The following SCTR variants were observed in gnomAD, a reference collection of about 807,000 sequenced individuals.
SCTR encodes secretin receptor.
In SCTR, 56 loss-of-function variants were observed where a neutral mutation model predicts 60.8. The observed-to-expected ratio is 0.92, with a 90% CI of 0.74 to 1.15. The LOEUF (loss-of-function observed/expected upper bound fraction) is 1.15. Ranked by LOEUF, SCTR falls within the 50% of genes most tolerant of loss-of-function variation. The pLI is 0.00. For synonymous variants in SCTR, 202 were observed against 217.0 expected (o/e 0.93, Z 0.61); for missense variants, 562 against 550.4 (o/e 1.02, Z -0.21).
intron 2 of SCTR, among the ~76,000 whole-genome samples, chr2:119,494,136 CCCA>C (rs1573900419): frequency 6.6e-6 from 1 of 152,156 alleles, no homozygotes; most frequent in East Asian, 1.9e-4. Flanking sequence ...CAGAGAAATT[CCCA>C]CCAAGCTCTT....
chr2:119,460,563 A>C (rs1683563949), intron 7 of SCTR, among the ~76,000 whole-genome samples: 1 of 152,050 alleles, frequency 6.6e-6, no homozygotes, highest in Admixed American at 6.6e-5. Context: ...TTACCATGTG[A>C]GTTGGTATGT....
chr2:119,460,976 G>A (rs906675267), intron 7 of SCTR, among the ~76,000 whole-genome samples: 3 of 152,050 alleles, frequency 2.0e-5, no homozygotes, highest in Admixed American at 6.5e-5. Flanking sequence ...TCTTTCTCTC[G>A]TTGGAGTTCG....
Position 119,524,428 on chromosome 2 carries a change from G to C in SCTR, c.-202C>G, listed in dbSNP as rs1032717879. 51 of 380,242 alleles carry C rather than the reference G, an allele frequency of 1.3e-4. 1 individual carries two copies. The highest frequency in any genetic ancestry group is 6.9e-4 in the Middle Eastern group (1 of 1,456). 23.6% of individuals were successfully genotyped at this position (380,242 alleles called of 1,614,324 possible). ...GGTGGCCGCGCGCGCTAAGCCGCCCGCCCCATTGATCAGGACGCGGCTTTG... is the reference window on the plus strand; with the variant it reads ...GGTGGCCGCGCGCGCTAAGCCGCCCCCCCCATTGATCAGGACGCGGCTTTG... On this transcript the variant is annotated 5_prime_UTR_variant, in exon 1 of 13. Coordinates refer to ENST00000019103, the MANE Select transcript of SCTR (RefSeq NM_002980.3).
At chr2:119,444,418 C>CAT (rs1403543250) in intron 11 of SCTR, among the ~76,000 whole-genome samples, 1 of 10,260 alleles carries the variant, frequency 9.7e-5, no homozygotes. Context: ...TATATATACC[C>CAT]ATATACGTAT....
In SCTR at chr2:119,448,756, T is replaced by A; in HGVS notation, c.946A>T (p.Ile316Phe). ...AGTTTTCTCATCAGGATTCTTAGAA[T>A]GTTTATGAAAAGGATGAAATTAATC... ...ILINFILFINILRILMRKLRT... is the reference protein window; with the variant it reads ...ILINFILFINFLRILMRKLRT... The change falls in exon 10 of 13, where the codon ATT (isoleucine) becomes TTT (phenylalanine). Residue 316 changes from isoleucine (I) to phenylalanine (F), a missense_variant. By Grantham distance (21) the Ile-to-Phe change is conservative. Transcript: ENST00000019103. The A allele has an allele frequency of 6.3e-7, 1 of 1,598,742 alleles. No individual in the cohort carries two copies. Among genetic ancestry groups the A allele is most frequent in the Non-Finnish European group, 8.6e-7 (1 of 1,166,068 alleles).
At position 119,444,481 on chromosome 2, in the gene SCTR, A is replaced by G. The variant is rs900618268; in HGVS notation, c.1140+2278T>C. Among the ~76,000 whole-genome samples, 5 of 104,178 alleles carry G rather than the reference A, an allele frequency of 4.8e-5. 1 individual carries two copies. Among genetic ancestry groups the G allele is most frequent in the Non-Finnish European group, 7.3e-5 (4 of 54,650 alleles). The allele number at this position is 104,178 out of a possible 152,430, so 68.3% of individuals were successfully genotyped here. A position where few individuals can be genotyped will look rare whatever the true frequency, so the allele number is the denominator to read the frequency against. On this transcript the variant is annotated intron_variant, in intron 11 of 12. Transcript: ENST00000019103. ...TATATATACACATATATACGTACGT[A>G]TATATATACACATATATACGTACGT...
chr2:119,462,003 GGA>G lies in SCTR; in HGVS notation c.637-5_637-4del, dbSNP rs140685769. The G allele has an allele frequency of 3.4e-5, 54 of 1,595,906 alleles. No individual in the cohort carries two copies. Among genetic ancestry groups the G allele is most frequent in the South Asian group, 1.1e-4 (10 of 88,038 alleles). On this transcript the variant is annotated splice_polypyrimidine_tract_variant and splice_region_variant and intron_variant, in intron 6 of 12. Coordinates refer to ENST00000019103, the MANE Select transcript of SCTR (RefSeq NM_002980.3). ...ACCATGACCAGCTTGCAGCCCGCCT[GGA>G]GAGAGAGAGGCAGCTGAACCCAGGC...
At chr2:119,507,348 G>A (rs1180263940) in intron 1 of SCTR, among the ~76,000 whole-genome samples, 1 of 152,134 alleles carries the variant, frequency 6.6e-6, no homozygotes. Flanking sequence ...GAAAATGCAT[G>A]AAAATATTAT....
chr2:119,517,904 A>C (rs1365808395), intron 1 of SCTR, among the ~76,000 whole-genome samples: 2 of 152,166 alleles, frequency 1.3e-5, no homozygotes, highest in Non-Finnish European at 2.9e-5. Flanking sequence ...GGGTGGCTGT[A>C]TTTGGAGGTA....
intron 2 of SCTR, among the ~76,000 whole-genome samples, chr2:119,493,132 C>T (rs1413508768): frequency 2.0e-5 from 3 of 152,230 alleles, no homozygotes; most frequent in Non-Finnish European, 4.4e-5. Flanking sequence ...GCTGGGATTA[C>T]AGGCGTGAGC....
In SCTR at chr2:119,478,807, T is replaced by C. The variant is rs1425506682; in HGVS notation, c.301+4A>G. On this transcript the variant is annotated splice_donor_region_variant and intron_variant, in intron 3 of 12. Transcript: ENST00000019103. ...CCGCCAGGCCCCATGGGCCGAGTGG[T>C]TACCATTTCTGCTGGTGAGCATCCG... 1 of 1,613,960 alleles carries C rather than the reference T, an allele frequency of 6.2e-7. No homozygotes were observed. Among genetic ancestry groups the C allele is most frequent in the Non-Finnish European group, 8.5e-7 (1 of 1,179,976 alleles).
chr2:119,488,299 C>T (rs1677968253), intron 2 of SCTR, among the ~76,000 whole-genome samples: 1 of 152,238 alleles, frequency 6.6e-6, no homozygotes, highest in African/African-American at 2.4e-5. Context: ...GTTCAGCCGC[C>T]AGGGCCTGGC....
chr2:119,495,538 C>G lies in SCTR; in HGVS notation c.73-990G>C, dbSNP rs986401120. On this transcript the variant is annotated intron_variant, in intron 1 of 12. Transcript: ENST00000019103. ...CATAATGGAGCAGGGAGAGAAGACC[C>G]TGGAGACAAAGCCACATTCCAAATT... 4 of 152,296 alleles carry G rather than the reference C, an allele frequency of 2.6e-5. No homozygotes were observed. The South Asian group carries it at 6.2e-4, about 24-fold the overall frequency. The allele number at this position is 152,296 out of a possible 1,614,324, so 9.4% of individuals were successfully genotyped here.
chr2:119,477,507 G>A (rs1677384316), intron 3 of SCTR, among the ~76,000 whole-genome samples: 1 of 152,158 alleles, frequency 6.6e-6, no homozygotes, highest in Non-Finnish European at 1.5e-5. Context: ...CTGGGGTGCA[G>A]TGGCACGAGC....
At chr2:119,463,244 G>A (rs1170734734) in intron 6 of SCTR, among the ~76,000 whole-genome samples, 1 of 152,140 alleles carries the variant, frequency 6.6e-6, no homozygotes, top group Non-Finnish European at 1.5e-5. Flanking sequence ...GATTAAGTGT[G>A]GTTACATGAC....
At chr2:119,481,482 C>T (rs1281279572) in intron 2 of SCTR, among the ~76,000 whole-genome samples, 3 of 152,190 alleles carry the variant, frequency 2.0e-5, no homozygotes, top group African/African-American at 4.8e-5. Context: ...CCAAAAATGC[C>T]GCTGAAGTGG....
intron 4 of SCTR, 73 bp from the exon 5 acceptor site, chr2:119,465,959 G>T: frequency 9.5e-7 from 1 of 1,054,842 alleles, no homozygotes; most frequent in Non-Finnish European, 1.5e-6. Flanking sequence ...CACTGCATCC[G>T]CTTCAGGCAG....
intron 1 of SCTR, among the ~76,000 whole-genome samples, chr2:119,509,994 TTTTA>T (rs1469815886): frequency 6.6e-6 from 1 of 152,168 alleles, no homozygotes; most frequent in Non-Finnish European, 1.5e-5. Flanking sequence ...TCCTTTTTTT[TTTTA>T]TTTTACTTTA....
chr2:119,493,860 C>T (rs977197974), intron 2 of SCTR, among the ~76,000 whole-genome samples: 3 of 152,188 alleles, frequency 2.0e-5, no homozygotes, highest in Middle Eastern at 3.4e-3. Context: ...AAGCTGGTCT[C>T]GAACTCCTGA....
Sources: allele counts gnomAD v4.1 joint callset (sites outside exome capture counted in the v4.1 genomes callset), GRCh38; gene constraint gnomAD v4.1.1; transcripts MANE v1.5; gene names NCBI Gene and HGNC (gene_info 2026-07-23, HGNC 2026-07-21).